Variants in PCDHGA4 observed in about 807,000 individuals in gnomAD.
PCDHGA4 encodes the protein protocadherin gamma subfamily A, 4.
A neutral mutation model predicts 54.6 loss-of-function variants in PCDHGA4; 38 were observed. That is an observed-to-expected ratio of 0.70 (90% CI 0.54 to 0.91). The LOEUF is 0.91. PCDHGA4 is among the 40% of genes least tolerant of loss of function. PCDHGA4 has a pLI of 0.00. For synonymous variants in PCDHGA4, 511 were observed against 512.9 expected, an observed-to-expected ratio of 1.00 and a Z score of 0.05; for missense variants, 1,298 against 1,220.9, an observed-to-expected ratio of 1.06 and a Z score of -0.94.
chr5:141,451,037 C>T (rs1293972996), intron 1 of PCDHGA4, among the ~76,000 whole-genome samples: 1 of 151,594 alleles, frequency 6.6e-6, no homozygotes, highest in Middle Eastern at 3.2e-3. Context: ...ACCATATTGG[C>T]CAGGCTGGTC....
Position 141,511,066 on chromosome 5 carries a change from C to T in PCDHGA4, c.2782C>T (p.Pro928Ser). Residue 928 changes from proline to serine, a missense_variant, in exon 4 of 4, where the codon CCA (proline) becomes TCA (serine). Physicochemically the swap from Pro to Ser is moderately conservative, Grantham distance 74. Transcript: ENST00000571252. The part of the protein sequence containing the change: ...VPDYRQNVYI[P>S]GSNATLTNAA... ...CGACTACCGCCAGAATGTCTACATC[C>T]CAGGCAGCAATGCCACACTGACCAA... 1.2e-6 allele frequency: 2 copies of T among 1,614,230 alleles called. No individual in the cohort carries two copies. Among genetic ancestry groups the T allele is most frequent in the Non-Finnish European group, 1.7e-6 (2 of 1,180,036 alleles).
In PCDHGA4 at chr5:141,418,449, A is replaced by G. The variant is rs781224972; in HGVS notation, c.2514+60828A>G. ...GGCAAATATCCAGAATTAGTATTGC[A>G]GAAGACTCTGGACCGAGAAACGCAG... On this transcript the variant is annotated intron_variant, in intron 1 of 3. Coordinates refer to ENST00000571252, the MANE Select transcript of PCDHGA4 (RefSeq NM_018917.4). 8.1e-6 allele frequency: 13 copies of G among 1,613,922 alleles called. No homozygotes were observed. The Admixed American group carries it at 1.2e-4, about 14-fold the overall frequency.
intron 1 of PCDHGA4, among the ~76,000 whole-genome samples, chr5:141,434,605 T>C (rs1448149059): frequency 6.6e-6 from 1 of 152,198 alleles, no homozygotes; most frequent in Non-Finnish European, 1.5e-5. Context: ...ATCCCTTTAT[T>C]TCCGCCCATC....
In PCDHGA4 at chr5:141,486,334, C is replaced by T; in HGVS notation, c.2515-8473C>T. 1.2e-6 allele frequency: 2 copies of T among 1,614,098 alleles called. No individual in the cohort carries two copies. ...CAGGGTCAAACGGAGATGTGAGCCT[C>T]CGCATTCCTGACCACTTGCCATTTG... On this transcript the variant is annotated intron_variant, in intron 1 of 3. Coordinates refer to ENST00000571252, the MANE Select transcript of PCDHGA4 (RefSeq NM_018917.4). This position sits in a 1 kb window ranked among gnomAD's most constrained non-coding sequence, Gnocchi z 5.0.
At chr5:141,364,449 A>G in intron 1 of PCDHGA4, 1 of 1,613,984 alleles carries the variant, frequency 6.2e-7, no homozygotes, top group Admixed American at 1.7e-5. Context: ...GAGGAGCTGG[A>G]CAAAGGCTCC....
intron 3 of PCDHGA4, among the ~76,000 whole-genome samples, chr5:141,510,214 A>G (rs1047332886): frequency 6.6e-6 from 1 of 151,406 alleles, no homozygotes; most frequent in Non-Finnish European, 1.5e-5. Context: ...CAGAGGTTGC[A>G]GTGAGCCGGG....
At chr5:141,462,539 T>G (rs2099042077) in intron 1 of PCDHGA4, among the ~76,000 whole-genome samples, 1 of 152,184 alleles carries the variant, frequency 6.6e-6, no homozygotes, top group African/African-American at 2.4e-5. Flanking sequence ...TTCAGTGATC[T>G]TTTCTTCTTC....
rs759437302 is a variant in PCDHGA4, at chr5:141,476,861, T to C, written c.2515-17946T>C. On this transcript the variant is annotated intron_variant, in intron 1 of 3. Transcript: ENST00000571252. The surrounding 1 kb of genome is among the most constrained non-coding windows in gnomAD (Gnocchi z 7.6). Reference sequence around the variant, plus strand: ...TGCGCCTGTCTTCAACCAGTCCTTGTACCGGGCGCGCGTCCTGGAGGATGC... The same window carrying C: ...TGCGCCTGTCTTCAACCAGTCCTTGCACCGGGCGCGCGTCCTGGAGGATGC... 6.2e-7 allele frequency: 1 copy of C among 1,613,864 alleles called. No individual in the cohort carries two copies. The highest frequency in any genetic ancestry group is 1.7e-5 in the Admixed American group (1 of 60,034).
chr5:141,500,618 C>T (rs554274946), intron 2 of PCDHGA4, among the ~76,000 whole-genome samples: 1 of 152,262 alleles, frequency 6.6e-6, no homozygotes, highest in South Asian at 2.1e-4. Flanking sequence ...CCCAGTCATA[C>T]GGTACATTTC....
intron 1 of PCDHGA4, among the ~76,000 whole-genome samples, chr5:141,447,493 T>A (rs538320272): frequency 3.3e-5 from 5 of 152,186 alleles, no homozygotes; most frequent in East Asian, 1.9e-4. Flanking sequence ...AGAAGGAATG[T>A]TTAGGATAAA....
At chr5:141,419,022 G>A in intron 1 of PCDHGA4, 1 of 1,613,960 alleles carries the variant, frequency 6.2e-7, no homozygotes, top group Non-Finnish European at 8.5e-7. Flanking sequence ...AGCTTAAGTA[G>A]AGGTGTTCCA....
chr5:141,438,623 TATATATATATATACAC>T (rs1207200307), intron 1 of PCDHGA4, among the ~76,000 whole-genome samples: 21 of 42,842 alleles, frequency 4.9e-4, no homozygotes, highest in South Asian at 2.6e-3. Flanking sequence ...TATATATATA[TATATATATATATACAC>T]ACACACACAC....
rs776211508 is a variant in PCDHGA4, at chr5:141,491,001, C to T, written c.2515-3806C>T. On this transcript the variant is annotated intron_variant, in intron 1 of 3. Transcript: ENST00000571252. The surrounding 1 kb of genome is among the most constrained non-coding windows in gnomAD (Gnocchi z 6.9). The stretch of plus-strand genomic sequence containing the variant: ...TCCCTCGCTCTGCTCCTCCTGGCTC[C>T]TTGGTCACCAAGGTGACAGCCGTGG... The T allele has an allele frequency of 6.2e-7, 1 of 1,614,140 alleles. No individual in the cohort carries two copies. Among genetic ancestry groups the T allele is most frequent in the Non-Finnish European group, 8.5e-7 (1 of 1,180,044 alleles).
rs1369956811 is a variant in PCDHGA4, at chr5:141,460,759, A to G, written c.2515-34048A>G. Among the ~76,000 whole-genome samples, 3 of 152,088 alleles carry G rather than the reference A, an allele frequency of 2.0e-5. No individual in the cohort carries two copies. In the East Asian group the frequency reaches 5.8e-4, roughly 29 times the overall value. On this transcript the variant is annotated intron_variant, in intron 1 of 3. Coordinates refer to ENST00000571252, the MANE Select transcript of PCDHGA4 (RefSeq NM_018917.4). ...ATTGTATATATATGTGTACATATAC[A>G]TATTGCATATGTATGTATACATATA...
rs1460175237 is a variant in PCDHGA4, at chr5:141,485,185, G to A, written c.2515-9622G>A. ...AGCGGGCGGCAGCAATGCTCCGCAAGGTGAGAAGCTGGACAGAAATCTGGC... is the reference window on the plus strand; with the variant it reads ...AGCGGGCGGCAGCAATGCTCCGCAAAGTGAGAAGCTGGACAGAAATCTGGC... On this transcript the variant is annotated intron_variant, in intron 1 of 3. Transcript: ENST00000571252. This position sits in a 1 kb window ranked among gnomAD's most constrained non-coding sequence, Gnocchi z 5.7. 3.1e-6 allele frequency: 5 copies of A among 1,613,528 alleles called. No individual in the cohort carries two copies. Among genetic ancestry groups the A allele is most frequent in the African/African-American group, 2.7e-5 (2 of 75,052 alleles).
chr5:141,478,249 A>T, intron 1 of PCDHGA4: 1 of 1,614,110 alleles, frequency 6.2e-7, no homozygotes, highest in African/African-American at 1.3e-5. Context: ...CAGTGTTCGG[A>T]GTAATCATAT....
chr5:141,510,307 G>C (rs1250172295), intron 3 of PCDHGA4, among the ~76,000 whole-genome samples: 1 of 151,446 alleles, frequency 6.6e-6, no homozygotes, highest in African/African-American at 2.4e-5. Context: ...TTTTGAAATG[G>C]AGGCTTGGAA....
intron 1 of PCDHGA4, chr5:141,433,047 C>G: frequency 1.9e-6 from 3 of 1,614,164 alleles, no homozygotes; most frequent in Non-Finnish European, 2.5e-6. Context: ...ACCACGGACT[C>G]GCGGAAGAGT....
In PCDHGA4 at chr5:141,420,077, C is replaced by T. The variant is rs760626443; in HGVS notation, c.2514+62456C>T. The T allele has an allele frequency of 2.9e-5, 47 of 1,613,782 alleles. No homozygotes were observed. Among genetic ancestry groups the T allele is most frequent in the Admixed American group, 1.0e-4 (6 of 60,004 alleles). The stretch of plus-strand genomic sequence containing the variant: ...CTGCTCCAAGTCCGGACCTGTGGGT[C>T]CCCCCAACTACAGTGAGGGAACGTT... On this transcript the variant is annotated intron_variant, in intron 1 of 3. Coordinates refer to ENST00000571252, the MANE Select transcript of PCDHGA4 (RefSeq NM_018917.4).
Sources: allele counts gnomAD v4.1 joint callset (sites outside exome capture counted in the v4.1 genomes callset), GRCh38; gene constraint gnomAD v4.1.1; non-coding constraint Gnocchi (gnomAD v3.1); transcripts MANE v1.5; gene names NCBI Gene and HGNC (gene_info 2026-07-23, HGNC 2026-07-21).